Variants in FAM53A observed in about 807,000 individuals in gnomAD.
FAM53A encodes protein FAM53A.
Under a neutral mutation model 26.6 loss-of-function variants are expected in FAM53A, and 28 were observed. The ratio of observed to expected loss-of-function variants is 1.05; its 90% CI spans 0.78 to 1.45. FAM53A has a LOEUF of 1.45. Ranked by LOEUF, FAM53A falls within the 40% of genes most tolerant of loss-of-function variation. FAM53A has a pLI of 0.00. For missense variants in FAM53A, 650 were observed against 575.8 expected (o/e 1.13, Z -1.32); for synonymous variants, 290 against 253.1 (o/e 1.15, Z -1.38).
the FAM53A span, among the ~76,000 whole-genome samples, chr4:1,594,080 C>A: frequency 6.6e-6 from 1 of 151,570 alleles, no homozygotes; most frequent in African/African-American, 2.4e-5. Context: ...AGGGGCGCCG[C>A]GGGCCCCAGG....
chr4:1,618,832 C>T (rs2049855043), intron 1 of FAM53A, among the ~76,000 whole-genome samples: 1 of 152,126 alleles, frequency 6.6e-6, no homozygotes, highest in Admixed American at 6.5e-5. Flanking sequence ...GCCCCGACCC[C>T]CAGCCCCCGA....
chr4:1,622,767 C>T (rs924338896), intron 1 of FAM53A, among the ~76,000 whole-genome samples: 1 of 152,168 alleles, frequency 6.6e-6, no homozygotes, highest in African/African-American at 2.4e-5. Flanking sequence ...CTCCCTCAGA[C>T]TCAGGCACCA....
Position 1,655,348 on chromosome 4 carries a change from C to T in FAM53A, c.512G>A (p.Arg171Lys), listed in dbSNP as rs1480449520. The T allele has an allele frequency of 2.1e-6, 3 of 1,436,996 alleles. No homozygotes were observed. The highest frequency in any genetic ancestry group is 2.7e-6 in the Non-Finnish European group (3 of 1,098,072). 89.0% of individuals were successfully genotyped at this position (1,436,996 alleles called of 1,614,324 possible). A position where few individuals can be genotyped will look rare whatever the true frequency, so the allele number is the denominator to read the frequency against. Residue 171 changes from arginine (R) to lysine (K), a missense_variant, in exon 4 of 5, where the codon AGG becomes AAG. Coordinates refer to ENST00000308132, the MANE Select transcript of FAM53A (RefSeq NM_001174070.3). Reference protein sequence around the residue: ...RQGSPGAVLPRSAVWSTGPTS... With the variant: ...RQGSPGAVLPKSAVWSTGPTS... ...GGGACCGGTCGACCACACAGCACTCCTCGGCAGGACGGCGCCGGGGCTTCC... is the reference window on the plus strand; with the variant it reads ...GGGACCGGTCGACCACACAGCACTCTTCGGCAGGACGGCGCCGGGGCTTCC...
Position 1,628,892 on chromosome 4 carries a change from C to T in FAM53A, c.432-10781G>A, listed in dbSNP as rs185301919. Among the ~76,000 whole-genome samples, 556 of 151,674 alleles carry T rather than the reference C, an allele frequency of 3.7e-3. 6 individuals are homozygous for T. The highest frequency in any genetic ancestry group is 0.013 in the African/African-American group (526 of 41,300). On this transcript the variant is annotated intron_variant, in intron 1 of 1. Coordinates refer to the FAM53A transcript ENST00000489029. ...AAGACTCCCCAGGCTTCGCCCACTGCAGGGTCCCCTACTCCGTAGCCCAAG... is the reference window on the plus strand; with the variant it reads ...AAGACTCCCCAGGCTTCGCCCACTGTAGGGTCCCCTACTCCGTAGCCCAAG...
the FAM53A span, among the ~76,000 whole-genome samples, chr4:1,591,565 C>T: frequency 6.6e-6 from 1 of 152,218 alleles, no homozygotes; most frequent in Admixed American, 6.5e-5. Flanking sequence ...CCACACAAGG[C>T]CCACCTGCAC....
chr4:1,574,238 T>G, the FAM53A span: 1 of 153,092 alleles, frequency 6.5e-6, no homozygotes, highest in Non-Finnish European at 1.5e-5. Flanking sequence ...GCTTTCCCAG[T>G]GCCGTTTGTC....
At chr4:1,583,514 G>A in the FAM53A span, among the ~76,000 whole-genome samples, 1 of 152,232 alleles carries the variant, frequency 6.6e-6, no homozygotes, top group African/African-American at 2.4e-5. Flanking sequence ...CAGGGATCAA[G>A]CACTTTGCAT....
chr4:1,623,353 C>T (rs1370461934), intron 1 of FAM53A, among the ~76,000 whole-genome samples: 3 of 151,740 alleles, frequency 2.0e-5, no homozygotes, highest in Non-Finnish European at 4.4e-5. Flanking sequence ...CACCGCAGCC[C>T]CGGGAGAGGA....
Position 1,672,299 on chromosome 4 carries a change from G to C in FAM53A, c.-164-3394C>G, listed in dbSNP as rs1473255218. Among the ~76,000 whole-genome samples the C allele has an allele frequency of 5.3e-5, 7 of 132,438 alleles. 1 individual carries two copies. Among genetic ancestry groups the C allele is most frequent in the African/African-American group, 8.6e-5 (3 of 35,004 alleles). 86.9% of individuals were successfully genotyped at this position (132,438 alleles called of 152,430 possible). ...CAGGAACCAGCCACCCACAGACCCA[G>C]GAACCCATGAACCCATGGACCCACA... is the stretch of plus-strand genomic sequence containing the variant. On this transcript the variant is annotated intron_variant, in intron 1 of 4. Coordinates refer to ENST00000308132, the MANE Select transcript of FAM53A (RefSeq NM_001174070.3).
In FAM53A at chr4:1,655,050, G is replaced by T. The variant is rs1199419418; in HGVS notation, c.810C>A (p.Ser270Arg). 1.9e-6 allele frequency: 3 copies of T among 1,590,104 alleles called. No individual in the cohort carries two copies. Among genetic ancestry groups the T allele is most frequent in the Non-Finnish European group, 2.6e-6 (3 of 1,167,304 alleles). The change falls in exon 4 of 5, where the codon AGC becomes AGA. Residue 270 changes from serine to arginine, a missense_variant. Coordinates refer to ENST00000308132, the MANE Select transcript of FAM53A (RefSeq NM_001174070.3). ...SQPCVLSGKR[S>R]RRKRRREEDA... ...CCTCCTCACGCCTCCGTTTGCGCCG[G>T]CTCCTCTTCCCACTGAGCACGCAAG...
intron 1 of FAM53A, among the ~76,000 whole-genome samples, chr4:1,625,102 C>G (rs111868706): frequency 0.022 from 1,014 of 45,794 alleles, 2 homozygotes; most frequent in African/African-American, 0.037. Flanking sequence ...TGATCAGAAG[C>G]CCCCACGTCC....
chr4:1,637,706 T>C (rs1715909207), downstream of FAM53A, among the ~76,000 whole-genome samples: 1 of 151,986 alleles, frequency 6.6e-6, no homozygotes, highest in Non-Finnish European at 1.5e-5. Flanking sequence ...GAGGGGCCTG[T>C]CTGAAGGATC....
At chr4:1,632,302 G>C (rs1221514631) in intron 1 of FAM53A, among the ~76,000 whole-genome samples, 4 of 152,108 alleles carry the variant, frequency 2.6e-5, no homozygotes, top group African/African-American at 9.7e-5. Context: ...TGAGGACACA[G>C]ACACACACAG....
intron 4 of FAM53A, among the ~76,000 whole-genome samples, chr4:1,643,260 A>T (rs563462962): frequency 1.6e-4 from 24 of 152,176 alleles, no homozygotes; most frequent in Admixed American, 3.9e-4. Context: ...AGGTCAGGAG[A>T]TCAAGACCAT....
chr4:1,678,967 G>A (rs1715221625), intron 1 of FAM53A, among the ~76,000 whole-genome samples: 2 of 151,934 alleles, frequency 1.3e-5, no homozygotes, highest in Admixed American at 1.3e-4. Flanking sequence ...GTTTGGCGAT[G>A]ACTTCTGAGA....
chr4:1,647,733 A>C (rs550556782), intron 4 of FAM53A, among the ~76,000 whole-genome samples: 5 of 152,062 alleles, frequency 3.3e-5, no homozygotes, highest in Non-Finnish European at 7.4e-5. Context: ...GAGTGTGCAC[A>C]TGAGTGGGAG....
chr4:1,649,694 C>G (rs1712575953), intron 4 of FAM53A, among the ~76,000 whole-genome samples: 1 of 152,262 alleles, frequency 6.6e-6, no homozygotes, highest in Admixed American at 6.5e-5. Flanking sequence ...CATGGGTGAA[C>G]TTAGAAGCAG....
the FAM53A span, among the ~76,000 whole-genome samples, chr4:1,603,890 C>T: frequency 6.6e-6 from 1 of 152,304 alleles, no homozygotes; most frequent in Admixed American, 6.5e-5. Flanking sequence ...TTGCTGCAGG[C>T]CTGACATTGG....
At chr4:1,680,896 G>C (rs1198219740) in intron 1 of FAM53A, among the ~76,000 whole-genome samples, 6 of 152,066 alleles carry the variant, frequency 3.9e-5, no homozygotes, top group African/African-American at 1.4e-4. Flanking sequence ...ATACTATAAT[G>C]GTTGACAAAG....
Sources: allele counts gnomAD v4.1 joint callset (sites outside exome capture counted in the v4.1 genomes callset), GRCh38; gene constraint gnomAD v4.1.1; transcripts MANE v1.5; gene names NCBI Gene and HGNC (gene_info 2026-07-23, HGNC 2026-07-21).